Variants in SERPINI1 observed in about 807,000 individuals in gnomAD.
The protein encoded by SERPINI1 is serpin family I member 1, also known as neuroserpin.
Under a neutral mutation model 41.1 loss-of-function variants are expected in SERPINI1, and 19 were observed. The observed-to-expected ratio is 0.46, with a 90% CI of 0.32 to 0.68. The LOEUF (loss-of-function observed/expected upper bound fraction) is 0.68, where lower values mean the gene tolerates loss of function less well. Among genes scored for constraint, SERPINI1 ranks in the 30% least tolerant of loss-of-function variants. The pLI is 0.03. For synonymous variants in SERPINI1, 138 were observed against 156.6 expected (o/e 0.88, Z 0.89); for missense variants, 460 against 479.2 (o/e 0.96, Z 0.37).
At chr3:167,774,072 A>G (rs1726883558) in intron 1 of SERPINI1, among the ~76,000 whole-genome samples, 1 of 152,336 alleles carries the variant, frequency 6.6e-6, no homozygotes, top group East Asian at 1.9e-4. Context: ...TAGAGGAAAT[A>G]ATAAAGATTT....
At chr3:167,799,369 A>T (rs951872132) in intron 5 of SERPINI1, among the ~76,000 whole-genome samples, 2 of 152,192 alleles carry the variant, frequency 1.3e-5, no homozygotes, top group Non-Finnish European at 2.9e-5. Context: ...AAAGGACATG[A>T]ACTCATTCTT....
intron 1 of SERPINI1, among the ~76,000 whole-genome samples, chr3:167,758,770 G>A (rs1156741024): frequency 6.6e-6 from 1 of 152,112 alleles, no homozygotes; most frequent in Non-Finnish European, 1.5e-5. Context: ...CATTGTATCA[G>A]TGTTAATTTC....
chr3:167,820,141 T>A (rs776377400), intron 6 of SERPINI1, among the ~76,000 whole-genome samples: 1 of 152,216 alleles, frequency 6.6e-6, no homozygotes, highest in Non-Finnish European at 1.5e-5. Flanking sequence ...GAGGCCTCCC[T>A]TCTTGGTGTG....
chr3:167,744,931 T>C (rs1320106162), intron 1 of SERPINI1, among the ~76,000 whole-genome samples: 2 of 145,738 alleles, frequency 1.4e-5, no homozygotes, highest in East Asian at 3.9e-4. Context: ...GTCAGTTTTT[T>C]ATAAGTTAAG....
At chr3:167,753,350 T>A (rs1726101407) in intron 1 of SERPINI1, among the ~76,000 whole-genome samples, 1 of 152,176 alleles carries the variant, frequency 6.6e-6, no homozygotes, top group Admixed American at 6.5e-5. Context: ...TAATTAGGGA[T>A]GTTCAATAAA....
chr3:167,741,783 A>T lies in SERPINI1; in HGVS notation c.-19+5960A>T, dbSNP rs145628641. On this transcript the variant is annotated intron_variant, in intron 1 of 8. Transcript: ENST00000446050. ...GTCTCCTAAATTGCTTACAGATGTT[A>T]AATCCCTTATTCAATGTCTGTGGCA... Among the ~76,000 whole-genome samples, 194 of 152,358 alleles carry T rather than the reference A, an allele frequency of 1.3e-3. No homozygotes were observed. In the East Asian group the frequency reaches 0.015, roughly 12 times the overall value.
At chr3:167,814,687 A>C (rs1712010701) in intron 6 of SERPINI1, among the ~76,000 whole-genome samples, 1 of 152,194 alleles carries the variant, frequency 6.6e-6, no homozygotes, top group African/African-American at 2.4e-5. Context: ...CCGCATATGT[A>C]GTGGGTACTG....
chr3:167,789,503 T>A, intron 2 of SERPINI1, 125 bp downstream of exon 2: 1 of 1,130,438 alleles, frequency 8.8e-7, no homozygotes. Flanking sequence ...TGAAATGGTA[T>A]GGCTAGAAGG....
chr3:167,750,837 T>C (rs997364924), intron 1 of SERPINI1, among the ~76,000 whole-genome samples: 1 of 152,160 alleles, frequency 6.6e-6, no homozygotes, highest in Non-Finnish European at 1.5e-5. Flanking sequence ...CAGAATACTT[T>C]GTGTATTTCT....
Position 167,744,829 on chromosome 3 carries a change from T to C in SERPINI1, c.-19+9006T>C, listed in dbSNP as rs1725812830. ...TATATAAATATAGTTATATATATAA[T>C]ATATATATTATATATAACTATAGTT... On this transcript the variant is annotated intron_variant, in intron 1 of 8. Coordinates refer to ENST00000446050, the MANE Select transcript of SERPINI1 (RefSeq NM_001122752.2). Among the ~76,000 whole-genome samples, 4 of 108,178 alleles carry C rather than the reference T, an allele frequency of 3.7e-5. No homozygotes were observed. The South Asian group carries it at 1.1e-3, about 29-fold the overall frequency. 71.0% of individuals were successfully genotyped at this position (108,178 alleles called of 152,430 possible).
chr3:167,768,098 T>A (rs2108543784), intron 1 of SERPINI1, among the ~76,000 whole-genome samples: 1 of 152,280 alleles, frequency 6.6e-6, no homozygotes, highest in Admixed American at 6.5e-5. Flanking sequence ...GAAGAAATAT[T>A]TTGTGAGAGT....
At chr3:167,790,009 G>A (rs1727445614) in intron 2 of SERPINI1, among the ~76,000 whole-genome samples, 1 of 152,144 alleles carries the variant, frequency 6.6e-6, no homozygotes, top group Admixed American at 6.6e-5. Context: ...AAGGTCTACT[G>A]AGTAAAATGT....
chr3:167,751,598 A>G (rs1017312525), intron 1 of SERPINI1, among the ~76,000 whole-genome samples: 1 of 152,182 alleles, frequency 6.6e-6, no homozygotes, highest in African/African-American at 2.4e-5. Flanking sequence ...TACTCCGCTA[A>G]ATATATAGAT....
At chr3:167,817,789 C>T (rs567647691) in intron 6 of SERPINI1, among the ~76,000 whole-genome samples, 41 of 151,346 alleles carry the variant, frequency 2.7e-4, no homozygotes, top group Middle Eastern at 3.4e-3. Flanking sequence ...TTAGTAGAGA[C>T]GGGGTTTCAC....
At position 167,774,759 on chromosome 3, in the gene SERPINI1, C is replaced by G. The variant is rs1004504327; in HGVS notation, c.-18-14352C>G. Among the ~76,000 whole-genome samples, 3 of 146,636 alleles carry G rather than the reference C, an allele frequency of 2.0e-5. No individual in the cohort carries two copies. The East Asian group carries it at 5.8e-4, about 28-fold the overall frequency. On this transcript the variant is annotated intron_variant, in intron 1 of 8. Coordinates refer to ENST00000446050, the MANE Select transcript of SERPINI1 (RefSeq NM_001122752.2). The stretch of plus-strand genomic sequence containing the variant: ...CTGATGATCTGAGGTGGAGCAGTTT[C>G]ATCCCCAAACCATCCCCTCACCCCT...
At chr3:167,801,536 T>C (rs1485114844) in intron 5 of SERPINI1, among the ~76,000 whole-genome samples, 1 of 152,134 alleles carries the variant, frequency 6.6e-6, no homozygotes, top group East Asian at 1.9e-4. Flanking sequence ...CTATTATCTG[T>C]GTGATTAGAG....
At chr3:167,789,704 C>T (rs1727434245) in intron 2 of SERPINI1, among the ~76,000 whole-genome samples, 1 of 152,048 alleles carries the variant, frequency 6.6e-6, no homozygotes, top group African/African-American at 2.4e-5. Flanking sequence ...TGAAAAATTA[C>T]AAATATGATG....
chr3:167,759,643 G>A (rs1276866361), intron 1 of SERPINI1, among the ~76,000 whole-genome samples: 2 of 151,844 alleles, frequency 1.3e-5, no homozygotes, highest in Admixed American at 6.6e-5. Context: ...GGTGAAAGGG[G>A]GTGAGTGTTG....
chr3:167,789,388 A>G lies in SERPINI1; in HGVS notation c.250+10A>G. 6.2e-7 allele frequency: 1 copy of G among 1,613,912 alleles called. No homozygotes were observed. The highest frequency in any genetic ancestry group is 1.1e-5 in the South Asian group (1 of 91,074). On this transcript the variant is annotated intron_variant, in intron 2 of 8. Transcript: ENST00000446050. ...GACAGCCTAAAAAATGGTAAGAGTG[A>G]TCAGGTTTGATTTCTCAAGACTTTT... is the stretch of plus-strand genomic sequence containing the variant.
Sources: allele counts gnomAD v4.1 joint callset (sites outside exome capture counted in the v4.1 genomes callset), GRCh38; gene constraint gnomAD v4.1.1; transcripts MANE v1.5; gene names NCBI Gene and HGNC (gene_info 2026-07-23, HGNC 2026-07-21).